KLF12: variants seen among roughly 807,000 people sequenced by gnomAD.
The protein encoded by KLF12 is KLF transcription factor 12, also known as Krueppel-like factor 12.
KLF12 carries 9 observed loss-of-function variants against 37.8 expected under a neutral mutation model. That is an observed-to-expected ratio of 0.24 (90% CI 0.14 to 0.42). The LOEUF is 0.42. Among genes scored for constraint, KLF12 ranks in the 10% least tolerant of loss-of-function variants. The probability of loss-of-function intolerance (pLI) is 1.00; values close to 1 mark genes in which losing one functional copy is unlikely to be tolerated. For synonymous variants in KLF12, 208 were observed against 202.1 expected, an observed-to-expected ratio of 1.03 and a Z score of -0.25; for missense variants, 411 against 516.0, an observed-to-expected ratio of 0.80 and a Z score of 1.97.
chr13:74,216,092 G>A, the KLF12 span, among the ~76,000 whole-genome samples: 2 of 152,150 alleles, frequency 1.3e-5, no homozygotes, highest in African/African-American at 4.8e-5. Flanking sequence ...GGATTGCCAG[G>A]CAGGCTCCCT....
At chr13:73,899,926 C>T (rs1179939937) in intron 3 of KLF12, among the ~76,000 whole-genome samples, 2 of 152,136 alleles carry the variant, frequency 1.3e-5, no homozygotes, top group African/African-American at 4.8e-5. Context: ...AGCCAATTCC[C>T]CTAATAAAGT....
At chr13:74,200,516 G>A in the KLF12 span, among the ~76,000 whole-genome samples, 5 of 152,028 alleles carry the variant, frequency 3.3e-5, no homozygotes, top group African/African-American at 4.8e-5. Context: ...TTAGATAGCC[G>A]GTAGAGTGGA....
At chr13:74,304,256 A>G in the KLF12 span, among the ~76,000 whole-genome samples, 3 of 152,082 alleles carry the variant, frequency 2.0e-5, no homozygotes, top group Admixed American at 6.6e-5. Context: ...CACCTTATCC[A>G]TACTGTTTTT....
At chr13:73,760,421 A>AG (rs2138044051) in intron 6 of KLF12, among the ~76,000 whole-genome samples, 1 of 152,212 alleles carries the variant, frequency 6.6e-6, no homozygotes, top group East Asian at 1.9e-4. Context: ...CCTGGGCTCA[A>AG]GGCTCCTGCT....
intron 7 of KLF12, among the ~76,000 whole-genome samples, chr13:73,697,192 A>C (rs1164808185): frequency 6.6e-6 from 1 of 152,180 alleles, no homozygotes; most frequent in Non-Finnish European, 1.5e-5. Context: ...TACATGGGAA[A>C]ACTAGTCCAA....
the KLF12 span, among the ~76,000 whole-genome samples, chr13:74,288,071 G>T: frequency 7.3e-5 from 8 of 109,732 alleles, no homozygotes; most frequent in Non-Finnish European, 1.3e-4. Flanking sequence ...TGGTTTGAAG[G>T]GGGGAAGGAA....
the KLF12 span, among the ~76,000 whole-genome samples, chr13:74,206,020 AC>A: frequency 6.6e-6 from 1 of 152,102 alleles, no homozygotes; most frequent in Non-Finnish European, 1.5e-5. Flanking sequence ...AATTAAGTAG[AC>A]ATACTGAGAA....
At chr13:73,990,050 G>C (rs2138237531) in intron 2 of KLF12, among the ~76,000 whole-genome samples, 1 of 151,812 alleles carries the variant, frequency 6.6e-6, no homozygotes, top group East Asian at 1.9e-4. Flanking sequence ...AGCCACCTTG[G>C]GAACAAAAAA....
the KLF12 span, among the ~76,000 whole-genome samples, chr13:74,285,874 C>G: frequency 6.6e-6 from 1 of 152,180 alleles, no homozygotes; most frequent in African/African-American, 2.4e-5. Context: ...TAATTCTCAG[C>G]CAAGCCCTGA....
At chr13:73,890,611 G>C (rs1475896411) in intron 3 of KLF12, among the ~76,000 whole-genome samples, 5 of 151,880 alleles carry the variant, frequency 3.3e-5, no homozygotes, top group Non-Finnish European at 7.4e-5. Context: ...AAGGCCATTG[G>C]TTTAGACCAG....
At chr13:73,949,038 AGAG>A (rs1890549727) in intron 2 of KLF12, among the ~76,000 whole-genome samples, 2 of 152,304 alleles carry the variant, frequency 1.3e-5, no homozygotes, top group South Asian at 4.2e-4. Context: ...CTGCAACCCA[AGAG>A]GTTGATGCTG....
rs536631933 is a variant in KLF12 at position 73,853,016 on chromosome 13, C to A, written c.124-6643G>T. On this transcript the variant is annotated intron_variant, in intron 3 of 7. Transcript: ENST00000377669. ...TCCCAAGTAGCTGGGACTACAGGCG[C>A]CCGCCACCATGCGGCTAATTTTTTG... Among the ~76,000 whole-genome samples the A allele has an allele frequency of 6.6e-5, 10 of 151,720 alleles. No individual in the cohort carries two copies. In the East Asian group the frequency reaches 2.0e-3, roughly 30 times the overall value.
the KLF12 span, among the ~76,000 whole-genome samples, chr13:74,168,486 C>T: frequency 6.6e-6 from 1 of 152,224 alleles, no homozygotes; most frequent in South Asian, 2.1e-4. Flanking sequence ...GGTGCAACAA[C>T]TTGTGAAATA....
chr13:74,304,662 G>A, the KLF12 span, among the ~76,000 whole-genome samples: 5 of 152,192 alleles, frequency 3.3e-5, no homozygotes, highest in Admixed American at 6.5e-5. Flanking sequence ...GGTGAAGTAC[G>A]TGTTTATTAC....
intron 1 of KLF12, among the ~76,000 whole-genome samples, chr13:74,122,879 C>A (rs556402422): frequency 1.4e-5 from 2 of 145,264 alleles, no homozygotes; most frequent in Non-Finnish European, 3.0e-5. Context: ...CATAATCGTG[C>A]TAAAAACATA....
chr13:74,288,520 A>G, the KLF12 span, among the ~76,000 whole-genome samples: 40 of 152,330 alleles, frequency 2.6e-4, no homozygotes, highest in Non-Finnish European at 4.4e-4. Flanking sequence ...GGGGTGCTCC[A>G]GGTCAAATCA....
chr13:74,259,903 A>C, the KLF12 span: 4 of 152,226 alleles, frequency 2.6e-5, no homozygotes, highest in Non-Finnish European at 5.9e-5. Context: ...CTACTGGTAC[A>C]TAGTAGGCAT....
chr13:74,102,900 T>C (rs985545737), intron 1 of KLF12, among the ~76,000 whole-genome samples: 3 of 152,222 alleles, frequency 2.0e-5, no homozygotes, highest in African/African-American at 7.2e-5. Context: ...GAGACAGCTT[T>C]AGGACAGTTG....
At chr13:74,232,489 G>C in the KLF12 span, among the ~76,000 whole-genome samples, 2 of 152,126 alleles carry the variant, frequency 1.3e-5, no homozygotes, top group East Asian at 1.9e-4. Flanking sequence ...AAACTGTCTT[G>C]TTCTTGTCAT....
Sources: gnomAD v4.1 joint callset for allele counts (sites outside exome capture counted in the v4.1 genomes callset) on GRCh38, gnomAD v4.1.1 for gene constraint, MANE v1.5 for transcripts, NCBI Gene and HGNC (gene_info 2026-07-23, HGNC 2026-07-21) for gene names.